Variants in RAB3IP observed in about 807,000 individuals in gnomAD.
RAB3IP encodes the protein RAB3A interacting protein.
Under a neutral mutation model 59.1 loss-of-function variants are expected in RAB3IP, and 36 were observed. The observed-to-expected ratio is 0.61, with a 90% CI of 0.47 to 0.80. RAB3IP has a LOEUF of 0.80. Ranked by LOEUF, RAB3IP falls within the 30% of genes least tolerant of loss-of-function variation. The probability of loss-of-function intolerance (pLI) is 0.00; values close to 1 mark genes in which losing one functional copy is unlikely to be tolerated. For synonymous variants in RAB3IP, 207 were observed against 191.2 expected (o/e 1.08, Z -0.68); for missense variants, 511 against 536.0 (o/e 0.95, Z 0.46).
At chr12:69,805,981 G>A (rs1275146359) in intron 8 of RAB3IP, among the ~76,000 whole-genome samples, 3 of 152,186 alleles carry the variant, frequency 2.0e-5, no homozygotes, top group South Asian at 2.1e-4. Context: ...GTCTCTGCCC[G>A]GCTTTGGTAT....
At chr12:69,791,738 A>G (rs186991220) in intron 4 of RAB3IP, among the ~76,000 whole-genome samples, 5 of 152,330 alleles carry the variant, frequency 3.3e-5, no homozygotes, top group East Asian at 1.9e-4. Context: ...TACAGCCATT[A>G]TGGAAAACAG....
chr12:69,791,962 A>G (rs988219358), intron 4 of RAB3IP, among the ~76,000 whole-genome samples: 23 of 152,330 alleles, frequency 1.5e-4, no homozygotes, highest in African/African-American at 5.1e-4. Flanking sequence ...ATGTGTGTGT[A>G]TATGAATACT....
upstream of RAB3IP, chr12:69,738,692 G>C (rs1305081251): frequency 6.6e-6 from 1 of 152,204 alleles, no homozygotes; most frequent in African/African-American, 2.4e-5. Flanking sequence ...GGCCAGGGCC[G>C]TGACACCTGC....
chr12:69,743,357 A>G (rs577700950), intron 1 of RAB3IP, among the ~76,000 whole-genome samples: 27 of 152,348 alleles, frequency 1.8e-4, no homozygotes, highest in African/African-American at 5.8e-4. Context: ...TATTTGAACT[A>G]CATGCCTCAT....
At chr12:69,762,477 G>A (rs1436508134) in intron 3 of RAB3IP, among the ~76,000 whole-genome samples, 1 of 152,208 alleles carries the variant, frequency 6.6e-6, no homozygotes, top group East Asian at 1.9e-4. Flanking sequence ...AAGAAAATGA[G>A]CTGGGCGAAG....
chr12:69,744,446 CG>C lies in RAB3IP; in HGVS notation c.-26+5418del, dbSNP rs111799076. Among the ~76,000 whole-genome samples the C allele has an allele frequency of 4.0e-4, 61 of 151,974 alleles. 1 individual carries two copies. The highest frequency in any genetic ancestry group is 1.4e-3 in the African/African-American group (59 of 41,426). On this transcript the variant is annotated intron_variant, in intron 1 of 10. Transcript: ENST00000247833. ...ACATTGAAGTGTTGTGGAATTAGGC[CG>C]GGCATGGTGGCTCACACCTGTAGTC...
intron 5 of RAB3IP, 139 bp downstream of exon 5, chr12:69,794,653 A>G: frequency 1.6e-6 from 1 of 615,532 alleles, no homozygotes; most frequent in Non-Finnish European, 2.8e-6. Flanking sequence ...AATAGAAGAA[A>G]ATAGCTACTA....
chr12:69,772,035 G>C (rs1161074735), intron 3 of RAB3IP, among the ~76,000 whole-genome samples: 1 of 152,050 alleles, frequency 6.6e-6, no homozygotes, highest in African/African-American at 2.4e-5. Context: ...GAGTGAGTGA[G>C]TACTGAATTT....
chr12:69,804,196 T>A (rs974854018), intron 8 of RAB3IP, among the ~76,000 whole-genome samples: 3 of 152,218 alleles, frequency 2.0e-5, no homozygotes, highest in African/African-American at 7.2e-5. Context: ...CCATTCTAAC[T>A]GGTGTGAGAT....
At chr12:69,739,960 C>T in intron 1 of RAB3IP, 4 of 1,275,942 alleles carry the variant, frequency 3.1e-6, no homozygotes, top group Non-Finnish European at 4.5e-6. Flanking sequence ...TGTTCGGAGG[C>T]TACCTGTTAT....
At chr12:69,806,187 C>G (rs1478217301) in intron 8 of RAB3IP, among the ~76,000 whole-genome samples, 2 of 152,170 alleles carry the variant, frequency 1.3e-5, no homozygotes, top group Non-Finnish European at 2.9e-5. Context: ...TGTTATTGGT[C>G]TATTCAGAGA....
intron 1 of RAB3IP, among the ~76,000 whole-genome samples, chr12:69,747,956 A>G (rs754122137): frequency 6.6e-6 from 1 of 152,172 alleles, no homozygotes. Flanking sequence ...TTTGTTGGAA[A>G]TGATTTACTT....
chr12:69,807,637 C>T (rs551788307), intron 8 of RAB3IP, among the ~76,000 whole-genome samples: 31 of 149,656 alleles, frequency 2.1e-4, no homozygotes, highest in Non-Finnish European at 2.2e-4. Context: ...CCTTACCTCC[C>T]AGACGAAGGG....
At chr12:69,805,282 A>T (rs1336706637) in intron 8 of RAB3IP, among the ~76,000 whole-genome samples, 4 of 151,946 alleles carry the variant, frequency 2.6e-5, no homozygotes, top group African/African-American at 9.7e-5. Context: ...TTCACTCATG[A>T]TTTGGCTCTC....
chr12:69,802,961 A>G (rs958229369), intron 8 of RAB3IP, among the ~76,000 whole-genome samples: 24 of 152,202 alleles, frequency 1.6e-4, no homozygotes, highest in African/African-American at 5.8e-4. Flanking sequence ...CAAATACCCA[A>G]GTATTTTTGT....
chr12:69,752,487 C>G (rs1054891524), intron 1 of RAB3IP, among the ~76,000 whole-genome samples: 7 of 152,054 alleles, frequency 4.6e-5, no homozygotes, highest in African/African-American at 1.4e-4. Context: ...AGGATGTACC[C>G]TGGTTCATTG....
intron 1 of RAB3IP, among the ~76,000 whole-genome samples, chr12:69,752,458 T>C (rs1869489071): frequency 6.6e-6 from 1 of 152,212 alleles, no homozygotes; most frequent in Non-Finnish European, 1.5e-5. Flanking sequence ...ATTTTACATC[T>C]GTGCAGTGCT....
chr12:69,807,201 G>A (rs1879488950), intron 8 of RAB3IP, among the ~76,000 whole-genome samples: 2 of 138,002 alleles, frequency 1.4e-5, no homozygotes, highest in Admixed American at 1.5e-4. Context: ...CCAGACAGTG[G>A]GCGGCCAGGC....
chr12:69,767,739 C>T (rs1872462628), intron 3 of RAB3IP, among the ~76,000 whole-genome samples: 1 of 152,044 alleles, frequency 6.6e-6, no homozygotes, highest in Non-Finnish European at 1.5e-5. Context: ...CCAAACCAAG[C>T]ATACAGGTGC....
Sources: allele counts gnomAD v4.1 joint callset (sites outside exome capture counted in the v4.1 genomes callset), GRCh38; gene constraint gnomAD v4.1.1; transcripts MANE v1.5; gene names NCBI Gene and HGNC (gene_info 2026-07-23, HGNC 2026-07-21).